FARP2: variants seen among roughly 807,000 people sequenced by gnomAD.
The protein encoded by FARP2 is FERM, ARH/RhoGEF and pleckstrin domain protein 2.
Under a neutral mutation model 130.5 loss-of-function variants are expected in FARP2, and 111 were observed. That is an observed-to-expected ratio of 0.85 (90% CI 0.73 to 1.00). The LOEUF (loss-of-function observed/expected upper bound fraction) is 1.00. Among genes scored for constraint, FARP2 ranks in the 50% least tolerant of loss-of-function variants. The probability of loss-of-function intolerance (pLI) is 0.00; values close to 1 mark genes in which losing one functional copy is unlikely to be tolerated. For missense variants in FARP2, 1,385 were observed against 1,346.3 expected (o/e 1.03, Z -0.45); for synonymous variants, 504 against 516.9 (o/e 0.98, Z 0.34).
chr2:241,492,943 A>C lies in FARP2; in HGVS notation c.2802A>C (p.Gly934=), dbSNP rs142709226. 5 of 1,607,550 alleles carry C rather than the reference A, an allele frequency of 3.1e-6. No homozygotes were observed. The highest frequency in any genetic ancestry group is 2.7e-5 in the African/African-American group (2 of 74,782). The stretch of plus-strand genomic sequence containing the variant: ...TTTATTGACAGAACCAGCTTTCAGG[A>C]TATCTGCTAAGAAAGTTCAAAAACA... ...HSAAVENQLS[G]YLLRKFKNSH... is the part of the protein sequence containing the mutation. Residue 934 remains glycine, a synonymous_variant, in exon 25 of 27, where the codon GGA becomes GGC. Transcript: ENST00000264042.
intron 13 of FARP2, among the ~76,000 whole-genome samples, chr2:241,453,116 G>A (rs541078604): frequency 1.0e-4 from 14 of 139,116 alleles, no homozygotes; most frequent in South Asian, 9.3e-4. Flanking sequence ...GATCACTTGA[G>A]GTCAGGAGTT....
intron 1 of FARP2, among the ~76,000 whole-genome samples, chr2:241,359,089 T>G (rs2061127185): frequency 6.6e-6 from 1 of 152,170 alleles, no homozygotes; most frequent in African/African-American, 2.4e-5. Context: ...GGAAATATGC[T>G]TTAAAATGTG....
intron 2 of FARP2, among the ~76,000 whole-genome samples, chr2:241,390,351 G>A (rs1008389166): frequency 3.9e-5 from 6 of 152,232 alleles, no homozygotes; most frequent in African/African-American, 1.4e-4. Context: ...CAGGAGTCAC[G>A]AGGCATCTTC....
intron 2 of FARP2, among the ~76,000 whole-genome samples, chr2:241,381,219 C>G (rs1403177698): frequency 6.6e-6 from 1 of 152,118 alleles, no homozygotes; most frequent in Non-Finnish European, 1.5e-5. Flanking sequence ...CGCTCCTGGC[C>G]TGTTCTGATT....
intron 1 of FARP2, among the ~76,000 whole-genome samples, chr2:241,365,974 CTTT>C (rs543957880): frequency 7.4e-6 from 1 of 135,816 alleles, no homozygotes; most frequent in Non-Finnish European, 1.6e-5. Context: ...GGTTTATGCT[CTTT>C]TTTTTTTTTT....
chr2:241,443,721 C>G (rs1230751306), intron 13 of FARP2: 1 of 152,324 alleles, frequency 6.6e-6, no homozygotes, highest in African/African-American at 2.4e-5. Context: ...CAGGCCAGCC[C>G]TAGATGACAC....
chr2:241,421,001 G>A (rs2062791741), intron 8 of FARP2, among the ~76,000 whole-genome samples: 2 of 152,148 alleles, frequency 1.3e-5, no homozygotes, highest in Admixed American at 1.3e-4. Flanking sequence ...AACTAACTAG[G>A]CGAACAACTC....
At chr2:241,479,944 C>A (rs1350756171) in intron 19 of FARP2, among the ~76,000 whole-genome samples, 2 of 152,246 alleles carry the variant, frequency 1.3e-5, no homozygotes, top group Non-Finnish European at 2.9e-5. Flanking sequence ...ACTGTGCAGC[C>A]TTTCTGGGAT....
At chr2:241,360,642 C>A (rs2061165595) in intron 1 of FARP2, among the ~76,000 whole-genome samples, 1 of 149,496 alleles carries the variant, frequency 6.7e-6, no homozygotes, top group East Asian at 2.0e-4. Flanking sequence ...CCACTGCACT[C>A]CAGCCTGGGT....
chr2:241,450,294 G>A (rs929670668), intron 13 of FARP2, among the ~76,000 whole-genome samples: 1 of 151,358 alleles, frequency 6.6e-6, no homozygotes, highest in Non-Finnish European at 1.5e-5. Flanking sequence ...GGAGGTCAAG[G>A]CAAAGCTGCA....
intron 4 of FARP2, among the ~76,000 whole-genome samples, chr2:241,406,363 CTCTT>C (rs1327515363): frequency 6.7e-6 from 1 of 149,418 alleles, no homozygotes; most frequent in Admixed American, 6.7e-5. Context: ...CTCTCTCTCT[CTCTT>C]TATATATATA....
At chr2:241,487,092 T>C (rs2064771255) in intron 21 of FARP2, among the ~76,000 whole-genome samples, 1 of 152,246 alleles carries the variant, frequency 6.6e-6, no homozygotes, top group Non-Finnish European at 1.5e-5. Context: ...GAGTTTTTTG[T>C]ACACATTAGT....
intron 1 of FARP2, among the ~76,000 whole-genome samples, chr2:241,361,279 C>A (rs2061180172): frequency 6.6e-6 from 1 of 152,168 alleles, no homozygotes; most frequent in South Asian, 2.1e-4. Flanking sequence ...TTCATAAAAG[C>A]CCTGGTGAAC....
chr2:241,422,559 TCTC>T (rs992504751), intron 8 of FARP2, among the ~76,000 whole-genome samples: 17 of 152,108 alleles, frequency 1.1e-4, no homozygotes, highest in South Asian at 1.0e-3. Context: ...GAGTGCCTCT[TCTC>T]CTCCAAATGA....
intron 1 of FARP2, among the ~76,000 whole-genome samples, chr2:241,357,784 C>T (rs2061101991): frequency 6.6e-6 from 1 of 152,228 alleles, no homozygotes; most frequent in African/African-American, 2.4e-5. Flanking sequence ...ACCTATAGGA[C>T]TATCAGTCGT....
intron 5 of FARP2, among the ~76,000 whole-genome samples, chr2:241,410,712 GA>G (rs2062494514): frequency 6.6e-6 from 1 of 152,206 alleles, no homozygotes; most frequent in South Asian, 2.1e-4. Flanking sequence ...TTACAGGCGG[GA>G]GCCATCGCCC....
At chr2:241,402,777 C>T (rs1220475461) in intron 2 of FARP2, among the ~76,000 whole-genome samples, 29 of 139,520 alleles carry the variant, frequency 2.1e-4, no homozygotes, top group African/African-American at 7.5e-4. Flanking sequence ...GGTGATCCTC[C>T]CACCTCAGCC....
In FARP2 at chr2:241,382,294, T is replaced by C; in HGVS notation, c.183+9004T>C. On this transcript the variant is annotated intron_variant, in intron 2 of 26. Coordinates refer to ENST00000264042, the MANE Select transcript of FARP2 (RefSeq NM_014808.4). ...TTCAGTTTCTCTGTACAAAATCTAT[T>C]TTTTTTTTTTTTTTTTTTGAGGCAG... is the stretch of plus-strand genomic sequence containing the variant. 2.1e-5 allele frequency among the ~76,000 whole-genome samples: 3 copies of C among 144,100 alleles called. 1 individual carries two copies. Among genetic ancestry groups the C allele is most frequent in the Non-Finnish European group, 3.0e-5 (2 of 65,686 alleles). 94.5% of individuals were successfully genotyped at this position (144,100 alleles called of 152,430 possible).
At chr2:241,434,894 GTC>G (rs1420471028) in intron 10 of FARP2, 66 bp from the exon 11 acceptor site, 1 of 951,952 alleles carries the variant, frequency 1.1e-6, no homozygotes, top group East Asian at 2.4e-5. Context: ...CTTTTCTTTT[GTC>G]TTTTACTCTG....
Sources: allele counts gnomAD v4.1 joint callset (sites outside exome capture counted in the v4.1 genomes callset), GRCh38; gene constraint gnomAD v4.1.1; transcripts MANE v1.5; gene names NCBI Gene and HGNC (gene_info 2026-07-23, HGNC 2026-07-21).